The following ANXA4 variants were observed in gnomAD, a reference collection of about 807,000 sequenced individuals.
The protein encoded by ANXA4 is annexin A4, also known as 35-beta calcimedin.
ANXA4 carries 39 observed loss-of-function variants against 49.8 expected under a neutral mutation model. The ratio of observed to expected loss-of-function variants is 0.78; its 90% confidence interval spans 0.61 to 1.02. The LOEUF is 1.02. ANXA4 is among the 50% of genes least tolerant of loss of function. The pLI, the probability that ANXA4 is intolerant of heterozygous loss-of-function variation, is 0.00. For missense variants in ANXA4, 360 were observed against 410.1 expected, an observed-to-expected ratio of 0.88 and a Z score of 1.05; for synonymous variants, 134 against 152.5, an observed-to-expected ratio of 0.88 and a Z score of 0.89.
At chr2:69,802,050 G>C (rs1330981457) in intron 3 of ANXA4, among the ~76,000 whole-genome samples, 2 of 152,216 alleles carry the variant, frequency 1.3e-5, no homozygotes, top group East Asian at 3.8e-4. Flanking sequence ...TGGCTGCCTA[G>C]TGTCCTTTTA....
intron 2 of ANXA4, among the ~76,000 whole-genome samples, chr2:69,710,149 G>A (rs943103542): frequency 5.9e-5 from 9 of 151,812 alleles, no homozygotes; most frequent in South Asian, 2.1e-4. Flanking sequence ...CACCACGCCC[G>A]GCTAATTTTG....
chr2:69,804,528 C>G lies in ANXA4; in HGVS notation c.98-5C>G. 2 of 1,612,922 alleles carry G rather than the reference C, an allele frequency of 1.2e-6. No individual in the cohort carries two copies. The highest frequency in any genetic ancestry group is 1.7e-6 in the Non-Finnish European group (2 of 1,179,136). ...ACTTACCTGCTGTCTCCCTTCTTCC[C>G]CCAGGCACCGATGAAGACGCCATTA... On this transcript the variant is annotated splice_region_variant and splice_polypyrimidine_tract_variant and intron_variant, in intron 3 of 12. Coordinates refer to ENST00000394295, the MANE Select transcript of ANXA4 (RefSeq NM_001153.5).
At chr2:69,674,864 T>C (rs997597161) in intron 2 of ANXA4, among the ~76,000 whole-genome samples, 30 of 152,256 alleles carry the variant, frequency 2.0e-4, no homozygotes, top group African/African-American at 6.7e-4. Context: ...AGTAACACTA[T>C]TGATAATTTT....
At chr2:69,766,676 A>T (rs1671506575) in intron 1 of ANXA4, among the ~76,000 whole-genome samples, 1 of 152,040 alleles carries the variant, frequency 6.6e-6, no homozygotes, top group East Asian at 1.9e-4. Context: ...TTTTTTTCTC[A>T]TCAGAAGGGT....
chr2:69,668,769 G>T (rs907684632), intron 2 of ANXA4, among the ~76,000 whole-genome samples: 2 of 152,072 alleles, frequency 1.3e-5, no homozygotes, highest in African/African-American at 4.8e-5. Context: ...AGACACTTTG[G>T]CTTCTGCAGC....
intron 2 of ANXA4, among the ~76,000 whole-genome samples, chr2:69,693,850 G>A (rs1678062853): frequency 6.6e-6 from 1 of 152,022 alleles, no homozygotes; most frequent in African/African-American, 2.4e-5. Context: ...TCATGATTGT[G>A]ACAGCTGAGC....
chr2:69,819,079 C>T (rs1373851542), intron 10 of ANXA4, among the ~76,000 whole-genome samples: 1 of 152,172 alleles, frequency 6.6e-6, no homozygotes, highest in Non-Finnish European at 1.5e-5. Context: ...TCTCCAGGAA[C>T]TTGATGATAA....
At chr2:69,734,656 A>T (rs188262920) in intron 3 of ANXA4, among the ~76,000 whole-genome samples, 11 of 151,210 alleles carry the variant, frequency 7.3e-5, no homozygotes, top group African/African-American at 2.7e-4. Context: ...AGCCAAAAAA[A>T]TCCATGAACT....
chr2:69,674,280 C>G (rs1401776938), intron 2 of ANXA4: 1 of 152,134 alleles, frequency 6.6e-6, no homozygotes, highest in Non-Finnish European at 1.5e-5. Flanking sequence ...AGGATTTGGG[C>G]TTAATTTCAG....
intron 8 of ANXA4, among the ~76,000 whole-genome samples, chr2:69,814,617 A>G (rs1469990223): frequency 1.3e-5 from 2 of 151,714 alleles, no homozygotes; most frequent in Admixed American, 1.3e-4. Flanking sequence ...CCAAAGTGCT[A>G]TGATTACAGG....
At chr2:69,724,777 G>T (rs140096020) in intron 3 of ANXA4, among the ~76,000 whole-genome samples, 1 of 83,086 alleles carries the variant, frequency 1.2e-5, no homozygotes, top group Non-Finnish European at 2.4e-5. Context: ...CAAGAAAGAT[G>T]AACTCATTCG....
chr2:69,810,922 T>C (rs993531510), intron 7 of ANXA4: 14 of 500,962 alleles, frequency 2.8e-5, no homozygotes, highest in African/African-American at 3.8e-5. Flanking sequence ...ACTCAGTGCA[T>C]TGAGAGTTAT....
intron 1 of ANXA4, among the ~76,000 whole-genome samples, chr2:69,771,716 A>G (rs569551580): frequency 1.3e-5 from 2 of 152,242 alleles, no homozygotes; most frequent in Non-Finnish European, 2.9e-5. Flanking sequence ...TCTGGCAGAT[A>G]CAACTGGGCA....
chr2:69,663,150 G>A (rs1676789439), intron 2 of ANXA4, among the ~76,000 whole-genome samples: 1 of 148,038 alleles, frequency 6.8e-6, no homozygotes, highest in African/African-American at 2.5e-5. Flanking sequence ...CCACCACCAC[G>A]CCCAGCTATT....
chr2:69,774,722 A>G (rs1671897927), intron 1 of ANXA4, among the ~76,000 whole-genome samples: 1 of 152,190 alleles, frequency 6.6e-6, no homozygotes, highest in Non-Finnish European at 1.5e-5. Flanking sequence ...ATGATCATCA[A>G]GCCAGTCCTC....
intron 1 of ANXA4, among the ~76,000 whole-genome samples, chr2:69,770,062 G>A (rs551673682): frequency 2.6e-5 from 4 of 152,288 alleles, no homozygotes; most frequent in East Asian, 3.9e-4. Context: ...AAGACCGTCC[G>A]TAAGTTACTA....
chr2:69,654,314 A>G (rs2105308997), intron 2 of ANXA4, among the ~76,000 whole-genome samples: 1 of 152,296 alleles, frequency 6.6e-6, no homozygotes, highest in South Asian at 2.1e-4. Context: ...AGAACTTCCA[A>G]TACTATGTTG....
At chr2:69,795,408 G>A (rs1280545264) in intron 3 of ANXA4, among the ~76,000 whole-genome samples, 1 of 152,178 alleles carries the variant, frequency 6.6e-6, no homozygotes, top group African/African-American at 2.4e-5. Flanking sequence ...AGTCAGCAAG[G>A]ACTCAAACGG....
At chr2:69,796,383 C>A (rs1672946086) in intron 3 of ANXA4, among the ~76,000 whole-genome samples, 1 of 152,168 alleles carries the variant, frequency 6.6e-6, no homozygotes, top group South Asian at 2.1e-4. Context: ...ACCAAGGTGG[C>A]CACCTTCAGG....
Sources: gnomAD v4.1 joint callset for allele counts (sites outside exome capture counted in the v4.1 genomes callset) on GRCh38, gnomAD v4.1.1 for gene constraint, MANE v1.5 for transcripts, NCBI Gene and HGNC (gene_info 2026-07-23, HGNC 2026-07-21) for gene names.